SH3PXD2A: variants seen among roughly 807,000 people sequenced by gnomAD.
The protein encoded by SH3PXD2A is SH3 and PX domain-containing protein 2A.
SH3PXD2A carries 32 observed loss-of-function variants against 115.2 expected under a neutral mutation model. The observed-to-expected ratio is 0.28, with a 90% CI of 0.21 to 0.37. The LOEUF (loss-of-function observed/expected upper bound fraction) is 0.37, where lower values mean the gene tolerates loss of function less well. SH3PXD2A is among the 10% of genes least tolerant of loss of function. The pLI is 1.00. For missense variants in SH3PXD2A, 1,328 were observed against 1,498.7 expected (o/e 0.89, Z 1.88); for synonymous variants, 610 against 629.1 (o/e 0.97, Z 0.45).
intron 1 of SH3PXD2A, among the ~76,000 whole-genome samples, chr10:103,812,918 T>C (rs2039286408): frequency 6.6e-6 from 1 of 152,228 alleles, no homozygotes. Flanking sequence ...ATTTGACCGC[T>C]AAGAATTTAT....
intron 2 of SH3PXD2A, among the ~76,000 whole-genome samples, chr10:103,796,852 G>C (rs1261220771): frequency 1.4e-5 from 2 of 143,288 alleles, no homozygotes; most frequent in Non-Finnish European, 3.0e-5. Context: ...TGAAATGTTT[G>C]GAACATCTTT....
intron 2 of SH3PXD2A, among the ~76,000 whole-genome samples, chr10:103,799,137 GC>G (rs1280395129): frequency 2.6e-5 from 4 of 152,198 alleles, no homozygotes; most frequent in Middle Eastern, 6.3e-3. Context: ...CAGGGAATGT[GC>G]CCCCAGTGCC....
chr10:103,671,236 G>C (rs1224882352), intron 6 of SH3PXD2A, among the ~76,000 whole-genome samples: 1 of 152,226 alleles, frequency 6.6e-6, no homozygotes, highest in African/African-American at 2.4e-5. Context: ...TTGGGGGCCA[G>C]ATGGTCTCTG....
chr10:103,681,423 C>A (rs1033088609), intron 6 of SH3PXD2A, among the ~76,000 whole-genome samples: 5 of 152,226 alleles, frequency 3.3e-5, no homozygotes, highest in Non-Finnish European at 7.3e-5. Context: ...ATGGATGACC[C>A]ATCAAAGACG....
rs894211041 is a variant in SH3PXD2A at position 103,596,382 on chromosome 10, G to A, written c.*5434C>T. ...TGCCTAGGCCACTTATGCTAGACCTGTTAATGCCAGTGTGAAATTTCCAAC... is the reference window on the plus strand; with the variant it reads ...TGCCTAGGCCACTTATGCTAGACCTATTAATGCCAGTGTGAAATTTCCAAC... On this transcript the variant is annotated 3_prime_UTR_variant, in exon 15 of 15. Coordinates refer to ENST00000369774, the MANE Select transcript of SH3PXD2A (RefSeq NM_001394015.1). The A allele has an allele frequency of 6.6e-6, 1 of 152,422 alleles. No homozygotes were observed. Among genetic ancestry groups the A allele is most frequent in the African/African-American group, 2.4e-5 (1 of 41,360 alleles). The allele number at this position is 152,422 out of a possible 1,614,324, so 9.4% of individuals were successfully genotyped here.
chr10:103,804,368 T>C (rs2039177802), intron 1 of SH3PXD2A, among the ~76,000 whole-genome samples: 1 of 144,530 alleles, frequency 6.9e-6, no homozygotes, highest in Non-Finnish European at 1.5e-5. Flanking sequence ...GTCGACCAGG[T>C]TGGAGTGCAG....
chr10:103,785,691 T>A (rs1398140314), intron 2 of SH3PXD2A, among the ~76,000 whole-genome samples: 5 of 151,760 alleles, frequency 3.3e-5, no homozygotes, highest in Non-Finnish European at 7.4e-5. Flanking sequence ...TGCCTCCCCA[T>A]CCCCACAGTC....
At chr10:103,765,696 G>A (rs12415349) in intron 3 of SH3PXD2A, among the ~76,000 whole-genome samples, 31,336 of 152,162 alleles carry the variant, frequency 0.21, 3,594 homozygotes, top group African/African-American at 0.29. Context: ...TTGCCTCTAG[G>A]ACTCTTGTGC....
chr10:103,640,152 T>C (rs2036932796), intron 8 of SH3PXD2A, among the ~76,000 whole-genome samples: 3 of 152,066 alleles, frequency 2.0e-5, no homozygotes, highest in African/African-American at 7.2e-5. Context: ...CCGTTTGTAA[T>C]AAAAATACAA....
intron 6 of SH3PXD2A, among the ~76,000 whole-genome samples, chr10:103,686,749 T>TA (rs1204048565): frequency 1.6e-4 from 24 of 149,476 alleles, no homozygotes; most frequent in Admixed American, 1.5e-3. Context: ...TGGGGAATTT[T>TA]TTTTTTTTTT....
chr10:103,715,733 C>T (rs1009901404), intron 5 of SH3PXD2A, among the ~76,000 whole-genome samples: 53 of 152,258 alleles, frequency 3.5e-4, no homozygotes, highest in Admixed American at 3.2e-3. Context: ...GCCGAGCAGT[C>T]GCCCTGCCTT....
In SH3PXD2A at chr10:103,657,603, T is replaced by G. The variant is rs549082143; in HGVS notation, c.604+3380A>C. ...GGAGAAAAAGAGTCCTCTTCTGGTC[T>G]GGCCCTAGGCCCACTGGTTGATCAC... On this transcript the variant is annotated intron_variant, in intron 8 of 14. Coordinates refer to ENST00000369774, the MANE Select transcript of SH3PXD2A (RefSeq NM_001394015.1). 5.3e-5 allele frequency among the ~76,000 whole-genome samples: 8 copies of G among 152,360 alleles called. No individual in the cohort carries two copies. The South Asian group carries it at 1.2e-3, about 24-fold the overall frequency.
chr10:103,771,533 C>T (rs1280039320), intron 2 of SH3PXD2A, among the ~76,000 whole-genome samples: 2 of 152,060 alleles, frequency 1.3e-5, no homozygotes, highest in Non-Finnish European at 1.5e-5. Context: ...AGGAGGACTG[C>T]TTGAGGCTAG....
At chr10:103,731,717 C>T (rs2038321956) in intron 4 of SH3PXD2A, among the ~76,000 whole-genome samples, 1 of 152,210 alleles carries the variant, frequency 6.6e-6, no homozygotes, top group African/African-American at 2.4e-5. Flanking sequence ...CATTACTCTC[C>T]TCAAGGGGAG....
intron 2 of SH3PXD2A, among the ~76,000 whole-genome samples, chr10:103,799,759 C>T (rs1482693248): frequency 6.6e-6 from 1 of 152,178 alleles, no homozygotes; most frequent in Admixed American, 6.5e-5. Context: ...GCACACTGCA[C>T]CCATTGATGG....
chr10:103,628,493 G>T (rs868818296), intron 8 of SH3PXD2A, among the ~76,000 whole-genome samples: 1 of 151,966 alleles, frequency 6.6e-6, no homozygotes, highest in Admixed American at 6.5e-5. Context: ...TTACGGTCTC[G>T]GTGTCCTCCT....
chr10:103,745,799 G>A (rs755052730), intron 3 of SH3PXD2A, among the ~76,000 whole-genome samples: 1 of 152,162 alleles, frequency 6.6e-6, no homozygotes, highest in Non-Finnish European at 1.5e-5. Context: ...TCTCCCACAC[G>A]GCTTCCGTTT....
At chr10:103,729,952 A>G (rs2038294369) in intron 4 of SH3PXD2A, among the ~76,000 whole-genome samples, 1 of 152,090 alleles carries the variant, frequency 6.6e-6, no homozygotes, top group Non-Finnish European at 1.5e-5. Flanking sequence ...AACAAGGGAG[A>G]GGGTGGCTGC....
intron 1 of SH3PXD2A, among the ~76,000 whole-genome samples, chr10:103,801,570 C>CACACACACACACACACACA (rs3221859): frequency 6.6e-6 from 1 of 150,842 alleles, no homozygotes; most frequent in African/African-American, 2.4e-5. Flanking sequence ...CACACACATA[C>CACACACACACACACACACA]CCCTAGAGGG....
Sources: gnomAD v4.1 joint callset for allele counts (sites outside exome capture counted in the v4.1 genomes callset) on GRCh38, gnomAD v4.1.1 for gene constraint, MANE v1.5 for transcripts, NCBI Gene and HGNC (gene_info 2026-07-23, HGNC 2026-07-21) for gene names.